Variants in RFC1 observed in about 807,000 individuals in gnomAD.
The protein encoded by RFC1 is replication factor C subunit 1.
RFC1 carries 37 observed loss-of-function variants against 137.4 expected under a neutral mutation model. The observed-to-expected ratio is 0.27, with a 90% CI of 0.21 to 0.35. RFC1 has a LOEUF of 0.35. Ranked by LOEUF, RFC1 falls within the 10% of genes least tolerant of loss-of-function variation. The pLI is 1.00. For missense variants in RFC1, 1,205 were observed against 1,358.5 expected, an observed-to-expected ratio of 0.89 and a Z score of 1.78; for synonymous variants, 429 against 455.7, an observed-to-expected ratio of 0.94 and a Z score of 0.75.
intron 21 of RFC1, among the ~76,000 whole-genome samples, chr4:39,296,566 T>C (rs911438999): frequency 3.3e-5 from 5 of 150,786 alleles, no homozygotes; most frequent in African/African-American, 1.2e-4. Flanking sequence ...TCCATGTCCC[T>C]ACAAAGGACA....
intron 1 of RFC1, among the ~76,000 whole-genome samples, chr4:39,357,256 T>C (rs749436376): frequency 2.6e-4 from 40 of 152,238 alleles, no homozygotes; most frequent in Non-Finnish European, 5.1e-4. Context: ...GAGAGGCCAC[T>C]CCCATGACAG....
chr4:39,302,172 C>G lies in RFC1; in HGVS notation c.2535+106G>C, dbSNP rs1738392362. The stretch of plus-strand genomic sequence containing the variant: ...ACTTCCTACTATATATCCCTGGATT[C>G]CACAGGCATACCAAGGAACTATAAT... On this transcript the variant is annotated intron_variant, in intron 19 of 24. Coordinates refer to ENST00000349703, the MANE Select transcript of RFC1 (RefSeq NM_002913.5). 12 of 697,488 alleles carry G rather than the reference C, an allele frequency of 1.7e-5. No individual in the cohort carries two copies. The South Asian group carries it at 1.8e-4, about 11-fold the overall frequency. The allele number at this position is 697,488 out of a possible 1,614,324, so 43.2% of individuals were successfully genotyped here.
chr4:39,327,885 A>T (rs911570483), intron 4 of RFC1, 129 bp from the exon 5 acceptor site: 5 of 679,540 alleles, frequency 7.4e-6, no homozygotes, highest in Non-Finnish European at 1.2e-5. Flanking sequence ...TAATCCCAGC[A>T]CTTTTGGAGA....
chr4:39,361,499 T>C (rs1201372590), intron 1 of RFC1, among the ~76,000 whole-genome samples: 1 of 152,234 alleles, frequency 6.6e-6, no homozygotes, highest in Non-Finnish European at 1.5e-5. Flanking sequence ...GGAAAAAGTA[T>C]GTCTGCTCTT....
At chr4:39,311,609 T>TA in intron 11 of RFC1, 60 bp from the exon 12 acceptor site, 1 of 1,337,426 alleles carries the variant, frequency 7.5e-7, no homozygotes, top group Admixed American at 2.4e-5. Flanking sequence ...TTCCCTTCTC[T>TA]TACAAAAAAA....
At chr4:39,302,685 A>G (rs1335332831) in intron 17 of RFC1, 52 bp downstream of exon 17, 2 of 1,518,322 alleles carry the variant, frequency 1.3e-6, no homozygotes, top group East Asian at 2.3e-5. Flanking sequence ...TTAAAAATTG[A>G]CCCTTAAATA....
intron 10 of RFC1, among the ~76,000 whole-genome samples, chr4:39,315,909 A>AT (rs1739217718): frequency 6.6e-6 from 1 of 152,142 alleles, no homozygotes; most frequent in African/African-American, 2.4e-5. Context: ...CAGAAATTCA[A>AT]ATCTGGTCAT....
chr4:39,338,258 T>C (rs1041412988), intron 4 of RFC1, among the ~76,000 whole-genome samples: 2 of 152,152 alleles, frequency 1.3e-5, no homozygotes, highest in East Asian at 1.9e-4. Context: ...ACAGATCTAA[T>C]CAAAGTGATG....
chr4:39,305,111 T>C (rs1054612484), intron 14 of RFC1, among the ~76,000 whole-genome samples, 183 bp from the exon 15 acceptor site: 3 of 152,188 alleles, frequency 2.0e-5, no homozygotes, highest in African/African-American at 7.2e-5. Context: ...ATATTAGAAA[T>C]TTTTAGAATA....
intron 1 of RFC1, 63 bp from the exon 2 acceptor site, chr4:39,351,539 T>C: frequency 4.3e-6 from 6 of 1,401,638 alleles, no homozygotes; most frequent in Non-Finnish European, 5.7e-6. Context: ...TAACTTCAAT[T>C]GTAAGATGGG....
rs746785837 is a variant in RFC1, at chr4:39,301,270, T to C, written c.2536-856A>G. Among the ~76,000 whole-genome samples, 22 of 151,390 alleles carry C rather than the reference T, an allele frequency of 1.5e-4. 1 individual carries two copies. The highest frequency in any genetic ancestry group is 2.9e-4 in the Non-Finnish European group (20 of 67,880). On this transcript the variant is annotated intron_variant, in intron 19 of 24. Coordinates refer to ENST00000349703, the MANE Select transcript of RFC1 (RefSeq NM_002913.5). ...TGAAAGGATCAGTGGCTGCCAGGGG[T>C]TGTAGGGAGGAAAGCGGAAAGGAAG...
In RFC1 at chr4:39,320,259, G is replaced by GA. The variant is rs1739445534; in HGVS notation, c.1095+123dup. ...AGCTACTTGGGAGGCTGAGGCAGGTGAGTTGCTTGAACCTGGGAGGCAGAG... is the reference window on the plus strand; with the variant it reads ...AGCTACTTGGGAGGCTGAGGCAGGTGAAGTTGCTTGAACCTGGGAGGCAGAG... On this transcript the variant is annotated intron_variant, in intron 9 of 24. Transcript: ENST00000349703. The GA allele has an allele frequency of 9.1e-6, 7 of 773,370 alleles. No homozygotes were observed. In the South Asian group the frequency reaches 1.5e-4, roughly 17 times the overall value. The allele number at this position is 773,370 out of a possible 1,614,324, so 47.9% of individuals were successfully genotyped here.
intron 4 of RFC1, among the ~76,000 whole-genome samples, chr4:39,339,086 T>TC (rs1740492056): frequency 6.6e-6 from 1 of 152,190 alleles, no homozygotes; most frequent in African/African-American, 2.4e-5. Flanking sequence ...AATCTCCTTT[T>TC]TTTTTTAAAG....
At chr4:39,299,637 A>G (rs967242976) in intron 21 of RFC1, among the ~76,000 whole-genome samples, 4 of 151,292 alleles carry the variant, frequency 2.6e-5, no homozygotes, top group African/African-American at 7.3e-5. Context: ...AAAGAAAGAA[A>G]GAAAAAAGAA....
At chr4:39,289,816 G>A in intron 24 of RFC1, 32 bp downstream of exon 24, 1 of 1,437,652 alleles carries the variant, frequency 7.0e-7, no homozygotes, top group Non-Finnish European at 9.8e-7. Context: ...CATCTATTTT[G>A]AGGTTCTCCT....
At chr4:39,333,336 C>G (rs1003084520) in intron 4 of RFC1, among the ~76,000 whole-genome samples, 3 of 152,010 alleles carry the variant, frequency 2.0e-5, no homozygotes, top group African/African-American at 7.2e-5. Context: ...TTTGGTAGAA[C>G]ACACCAGAAC....
chr4:39,363,822 G>T (rs920108127), intron 1 of RFC1, among the ~76,000 whole-genome samples: 2 of 150,462 alleles, frequency 1.3e-5, no homozygotes, highest in African/African-American at 4.9e-5. Context: ...AACCTGGTAG[G>T]CAGAGGTTGC....
chr4:39,313,064 G>T, intron 10 of RFC1, 133 bp from the exon 11 acceptor site: 1 of 720,300 alleles, frequency 1.4e-6, no homozygotes. Flanking sequence ...AAAGTTTGCT[G>T]GAAATTTACA....
intron 4 of RFC1, chr4:39,341,768 C>T (rs1578155568): frequency 4.8e-6 from 2 of 414,474 alleles, no homozygotes; most frequent in East Asian, 7.2e-5. Flanking sequence ...CATAAAAGAA[C>T]AATATCCATG....
Sources: allele counts gnomAD v4.1 joint callset (sites outside exome capture counted in the v4.1 genomes callset), GRCh38; gene constraint gnomAD v4.1.1; transcripts MANE v1.5; gene names NCBI Gene and HGNC (gene_info 2026-07-23, HGNC 2026-07-21).